CAT: variants seen among roughly 807,000 people sequenced by gnomAD.
CAT encodes the protein epididymis secretory sperm binding protein.
A neutral mutation model predicts 59.0 loss-of-function variants in CAT; 43 were observed. The observed-to-expected ratio is 0.73, with a 90% CI of 0.57 to 0.94. The LOEUF is 0.94. Among genes scored for constraint, CAT ranks in the 40% least tolerant of loss-of-function variants. The probability of loss-of-function intolerance (pLI) is 0.00; values close to 1 mark genes in which losing one functional copy is unlikely to be tolerated. For missense variants in CAT, 664 were observed against 682.9 expected, an observed-to-expected ratio of 0.97 and a Z score of 0.31; for synonymous variants, 218 against 230.9, an observed-to-expected ratio of 0.94 and a Z score of 0.51.
At chr11:34,454,946 C>G (rs184914389) in intron 6 of CAT, among the ~76,000 whole-genome samples, 19 of 152,288 alleles carry the variant, frequency 1.2e-4, no homozygotes, top group Non-Finnish European at 1.6e-4. Flanking sequence ...ACCAGCTATA[C>G]AAGTCCTGGA....
At chr11:34,468,449 G>A (rs1856743312) in intron 11 of CAT, 54 bp downstream of exon 11, 18 of 1,229,012 alleles carry the variant, frequency 1.5e-5, no homozygotes, top group Non-Finnish European at 2.1e-5. Flanking sequence ...AGACAGTGCA[G>A]CTGTGTGGGA....
intron 2 of CAT, among the ~76,000 whole-genome samples, chr11:34,450,166 G>A (rs1449400916): frequency 1.3e-5 from 2 of 152,196 alleles, no homozygotes; most frequent in African/African-American, 2.4e-5. Flanking sequence ...ACAAAACAAT[G>A]TTGTTTGAGG....
chr11:34,461,178 A>T lies in CAT; in HGVS notation c.1057-73A>T, dbSNP rs910164374. The T allele has an allele frequency of 4.6e-6, 7 of 1,514,158 alleles. No individual in the cohort carries two copies. The African/African-American group carries it at 9.6e-5, about 21-fold the overall frequency. The allele number at this position is 1,514,158 out of a possible 1,614,324, so 93.8% of individuals were successfully genotyped here. A position where few individuals can be genotyped will look rare whatever the true frequency, so the allele number is the denominator to read the frequency against. ...AGTGCTTTGTACTTCAAATTTCAGA[A>T]TGAAGTTTACAGCCCATTCCTATGT... On this transcript the variant is annotated intron_variant, in intron 8 of 12. Coordinates refer to ENST00000241052, the MANE Select transcript of CAT (RefSeq NM_001752.4).
intron 1 of CAT, among the ~76,000 whole-genome samples, chr11:34,445,357 G>A (rs896387686): frequency 6.6e-6 from 1 of 151,618 alleles, no homozygotes; most frequent in Non-Finnish European, 1.5e-5. Flanking sequence ...GCTGGGTGTG[G>A]TGGTGGTCGC....
chr11:34,468,905 G>A (rs1856746951), intron 11 of CAT, among the ~76,000 whole-genome samples: 1 of 152,172 alleles, frequency 6.6e-6, no homozygotes, highest in African/African-American at 2.4e-5. Flanking sequence ...CAGTCAATCA[G>A]TCTGTCTTTC....
chr11:34,467,868 T>C (rs979442868), intron 10 of CAT, among the ~76,000 whole-genome samples: 2 of 152,176 alleles, frequency 1.3e-5, no homozygotes, highest in Middle Eastern at 6.3e-3. Flanking sequence ...TATATATAGA[T>C]ATAATTATCT....
At chr11:34,464,998 A>G (rs967538642) in intron 10 of CAT, among the ~76,000 whole-genome samples, 1 of 152,188 alleles carries the variant, frequency 6.6e-6, no homozygotes, top group African/African-American at 2.4e-5. Flanking sequence ...GCAAATGCTC[A>G]TCCTCTTTCC....
chr11:34,449,223 A>T lies in CAT; in HGVS notation c.98A>T (p.Asn33Ile). 6.2e-7 allele frequency: 1 copy of T among 1,614,158 alleles called. No individual in the cohort carries two copies. Among genetic ancestry groups the T allele is most frequent in the Middle Eastern group, 1.6e-4 (1 of 6,062 alleles). ...GATGTCCTGACCACTGGAGCTGGTA[A>T]CCCAGTAGGAGACAAACTTAATGTT... ...KADVLTTGAGNPVGDKLNVIT... is the reference protein window; with the variant it reads ...KADVLTTGAGIPVGDKLNVIT... Residue 33 changes from asparagine to isoleucine, a missense_variant, in exon 2 of 13, where the codon AAC (asparagine) becomes ATC (isoleucine). Coordinates refer to ENST00000241052, the MANE Select transcript of CAT (RefSeq NM_001752.4).
intron 10 of CAT, among the ~76,000 whole-genome samples, chr11:34,466,920 T>C (rs541851636): frequency 2.0e-5 from 3 of 152,110 alleles, no homozygotes; most frequent in Non-Finnish European, 4.4e-5. Context: ...TAGATGGCTT[T>C]TAAAGGAGGT....
In CAT at chr11:34,452,180, C is replaced by A. The variant is rs746696181; in HGVS notation, c.453C>A (p.Pro151=). The A allele has an allele frequency of 1.9e-6, 3 of 1,613,700 alleles. No individual in the cohort carries two copies. Among genetic ancestry groups the A allele is most frequent in the Non-Finnish European group, 2.5e-6 (3 of 1,179,740 alleles). The change falls in exon 4 of 13, where the codon CCC becomes CCA. Residue 151 remains proline (P), a synonymous_variant. Coordinates refer to ENST00000241052, the MANE Select transcript of CAT (RefSeq NM_001752.4). ...GNWDLVGNNT[P]IFFIRDPILF... is the part of the protein sequence containing the mutation. ...GGGATCTCGTTGGAAATAACACCCCCATTTTCTTCATCAGGGATCCCATAT... is the reference window on the plus strand; with the variant it reads ...GGGATCTCGTTGGAAATAACACCCCAATTTTCTTCATCAGGGATCCCATAT...
chr11:34,447,542 GGTAA>G (rs1238689270), intron 1 of CAT, among the ~76,000 whole-genome samples: 1 of 152,174 alleles, frequency 6.6e-6, no homozygotes, highest in Admixed American at 6.5e-5. Flanking sequence ...GTGACTGGGT[GGTAA>G]GTGTTGATTG....
intron 11 of CAT, among the ~76,000 whole-genome samples, chr11:34,469,932 C>T (rs1286741912): frequency 6.6e-6 from 1 of 152,166 alleles, no homozygotes; most frequent in East Asian, 1.9e-4. Flanking sequence ...TCCCAAAGTG[C>T]TGGGATTTCG....
rs915633466 is a variant in CAT, at chr11:34,449,087, A to C, written c.67-105A>C. On this transcript the variant is annotated intron_variant, in intron 1 of 12. Transcript: ENST00000241052. ...TACTTTGGACACAGGAAATTAAAAA[A>C]GAGGGCAGATGGTATAAACATTGCA... 1.6e-5 allele frequency: 16 copies of C among 1,005,210 alleles called. No individual in the cohort carries two copies. The Admixed American group carries it at 2.0e-4, about 12-fold the overall frequency. The allele number at this position is 1,005,210 out of a possible 1,614,324, so 62.3% of individuals were successfully genotyped here. A position where few individuals can be genotyped will look rare whatever the true frequency, so the allele number is the denominator to read the frequency against.
At chr11:34,463,808 C>T (rs1334631404) in intron 9 of CAT, among the ~76,000 whole-genome samples, 1 of 152,200 alleles carries the variant, frequency 6.6e-6, no homozygotes, top group African/African-American at 2.4e-5. Context: ...CTGTACCCCT[C>T]AGAAGACTTG....
At chr11:34,469,544 C>A (rs1347069839) in intron 11 of CAT, among the ~76,000 whole-genome samples, 2 of 152,124 alleles carry the variant, frequency 1.3e-5, no homozygotes, top group East Asian at 3.9e-4. Flanking sequence ...TGTGTCTGGG[C>A]CCGTTTCTCA....
intron 1 of CAT, among the ~76,000 whole-genome samples, chr11:34,441,480 T>C (rs1437623883): frequency 6.6e-6 from 1 of 152,224 alleles, no homozygotes; most frequent in African/African-American, 2.4e-5. Context: ...CTGGGCTATT[T>C]AATTTTTTTT....
intron 10 of CAT, among the ~76,000 whole-genome samples, chr11:34,466,506 G>A (rs1175464486): frequency 2.0e-5 from 3 of 152,042 alleles, no homozygotes; most frequent in Non-Finnish European, 2.9e-5. Context: ...GGCTGGGCGC[G>A]GTGGCTCACG....
intron 1 of CAT, among the ~76,000 whole-genome samples, chr11:34,447,260 T>A (rs1856467919): frequency 6.6e-6 from 1 of 151,998 alleles, no homozygotes; most frequent in Non-Finnish European, 1.5e-5. Context: ...CTATCAGACA[T>A]CTCTAGGGGG....
chr11:34,450,972 G>C lies in CAT; in HGVS notation c.239-16G>C. 1 of 1,530,790 alleles carries C rather than the reference G, an allele frequency of 6.5e-7. No individual in the cohort carries two copies. 94.8% of individuals were successfully genotyped at this position (1,530,790 alleles called of 1,614,324 possible). On this transcript the variant is annotated splice_polypyrimidine_tract_variant and intron_variant, in intron 2 of 12. Transcript: ENST00000241052. ...TAATGGTCTCATGGTAAGGATTTCTGTGTCTTTCTCGTTAGGGGCCTTTGG... is the reference window on the plus strand; with the variant it reads ...TAATGGTCTCATGGTAAGGATTTCTCTGTCTTTCTCGTTAGGGGCCTTTGG...
Sources: allele counts gnomAD v4.1 joint callset (sites outside exome capture counted in the v4.1 genomes callset), GRCh38; gene constraint gnomAD v4.1.1; transcripts MANE v1.5; gene names NCBI Gene and HGNC (gene_info 2026-07-23, HGNC 2026-07-21).